SNX29: variants seen among roughly 807,000 people sequenced by gnomAD.
The protein encoded by SNX29 is sorting nexin 29.
A neutral mutation model predicts 102.1 loss-of-function variants in SNX29; 78 were observed. The observed-to-expected ratio is 0.76, with a 90% CI of 0.64 to 0.92. The LOEUF (loss-of-function observed/expected upper bound fraction) is 0.92. SNX29 is among the 40% of genes least tolerant of loss of function. SNX29 has a pLI of 0.00. For missense variants in SNX29, 1,280 were observed against 1,061.7 expected (o/e 1.21, Z -2.86); for synonymous variants, 580 against 414.5 (o/e 1.40, Z -4.85).
intron 20 of SNX29, among the ~76,000 whole-genome samples, chr16:12,528,795 C>G (rs558781667): frequency 1.3e-5 from 2 of 152,210 alleles, no homozygotes; most frequent in South Asian, 4.1e-4. Flanking sequence ...GCACACTGTG[C>G]CACTGTGTGT....
chr16:12,008,461 A>G (rs1228298472), intron 3 of SNX29, among the ~76,000 whole-genome samples: 1 of 146,938 alleles, frequency 6.8e-6, no homozygotes, highest in African/African-American at 2.5e-5. Flanking sequence ...TAGAGACAGT[A>G]TTTCTCCATG....
chr16:12,408,939 A>T (rs888678269), intron 18 of SNX29, among the ~76,000 whole-genome samples: 1 of 152,252 alleles, frequency 6.6e-6, no homozygotes, highest in Non-Finnish European at 1.5e-5. Flanking sequence ...GGCACAGAGG[A>T]TTCTAGCAAG....
At chr16:12,014,758 AAAAG>A (rs1596595752) in intron 3 of SNX29, among the ~76,000 whole-genome samples, 3 of 151,740 alleles carry the variant, frequency 2.0e-5, no homozygotes, top group Non-Finnish European at 2.9e-5. Context: ...AAAGAAAAGA[AAAAG>A]AAAATCATCA....
intron 15 of SNX29, among the ~76,000 whole-genome samples, chr16:12,295,439 C>G (rs937759631): frequency 2.0e-5 from 3 of 152,266 alleles, no homozygotes; most frequent in African/African-American, 7.2e-5. Flanking sequence ...GAGAAAACAA[C>G]TCTCACAACT....
rs1254788002 is a variant in SNX29 at position 12,350,098 on chromosome 16, G to A, written c.1783-6065G>A. On this transcript the variant is annotated intron_variant, in intron 15 of 20. Transcript: ENST00000566228. ...CCAGTTTGTGGGCCACCCTGTGCAT[G>A]TCACTGTCATAGAGTCACTTGCCGT... Among the ~76,000 whole-genome samples, 3 of 152,188 alleles carry A rather than the reference G, an allele frequency of 2.0e-5. No homozygotes were observed. In the East Asian group the frequency reaches 5.8e-4, roughly 29 times the overall value.
intron 11 of SNX29, among the ~76,000 whole-genome samples, chr16:12,093,047 G>C (rs1329504451): frequency 6.6e-6 from 1 of 152,176 alleles, no homozygotes; most frequent in African/African-American, 2.4e-5. Context: ...TTGCTGAGAT[G>C]CTGTCTTATG....
At chr16:12,296,205 A>C (rs2079975418) in intron 15 of SNX29, among the ~76,000 whole-genome samples, 1 of 152,242 alleles carries the variant, frequency 6.6e-6, no homozygotes, top group South Asian at 2.1e-4. Flanking sequence ...TAAATATCAT[A>C]ATGACTGCCT....
chr16:12,506,989 T>C (rs1165947972), intron 19 of SNX29, among the ~76,000 whole-genome samples: 2 of 152,252 alleles, frequency 1.3e-5, no homozygotes, highest in Non-Finnish European at 2.9e-5. Context: ...TGTATGCTTA[T>C]CTTGTGGTGG....
At chr16:12,550,767 G>A (rs888613498) in intron 20 of SNX29, among the ~76,000 whole-genome samples, 1 of 150,104 alleles carries the variant, frequency 6.7e-6, no homozygotes, top group East Asian at 2.0e-4. Flanking sequence ...TTGAAAAAGT[G>A]TAGAGGCTGA....
intron 19 of SNX29, among the ~76,000 whole-genome samples, chr16:12,513,116 TCTC>T (rs1336807914): frequency 3.3e-5 from 5 of 150,400 alleles, no homozygotes; most frequent in African/African-American, 4.9e-5. Context: ...AGTTCTCTCT[TCTC>T]CTCTCTGACC....
At chr16:12,287,869 T>C (rs1470058457) in intron 15 of SNX29, among the ~76,000 whole-genome samples, 1 of 152,218 alleles carries the variant, frequency 6.6e-6, no homozygotes. Context: ...ACCTGGGTTG[T>C]TGATCCTAGA....
chr16:12,097,067 G>A (rs1297246303), intron 11 of SNX29, among the ~76,000 whole-genome samples: 1 of 152,192 alleles, frequency 6.6e-6, no homozygotes, highest in Non-Finnish European at 1.5e-5. Context: ...CTCTGGTTCC[G>A]TCACTAAGCA....
chr16:12,220,940 C>T (rs1328048604), intron 14 of SNX29, among the ~76,000 whole-genome samples: 1 of 152,080 alleles, frequency 6.6e-6, no homozygotes, highest in Non-Finnish European at 1.5e-5. Flanking sequence ...GGGGTGGTAG[C>T]GCTGCACATT....
At chr16:12,381,000 C>CTCAT (rs2083099518) in intron 16 of SNX29, among the ~76,000 whole-genome samples, 1 of 118,472 alleles carries the variant, frequency 8.4e-6, no homozygotes, top group Non-Finnish European at 1.8e-5. Flanking sequence ...CACCCACCCA[C>CTCAT]CATCCATCCA....
intron 1 of SNX29, among the ~76,000 whole-genome samples, chr16:11,982,921 A>T (rs404827): frequency 0.75 from 114,216 of 151,596 alleles, 44,120 homozygotes; most frequent in Non-Finnish European, 0.84. Context: ...ATTAAAAAAA[A>T]TTTTTTTTAA....
intron 12 of SNX29, 84 bp from the exon 13 acceptor site, chr16:12,129,546 C>G: frequency 1.3e-6 from 2 of 1,487,672 alleles, no homozygotes; most frequent in Non-Finnish European, 9.0e-7. Context: ...TGGCTTAGGA[C>G]TTGACTTATG....
intron 20 of SNX29, among the ~76,000 whole-genome samples, chr16:12,537,911 G>C (rs9788839): frequency 6.6e-6 from 1 of 151,192 alleles, no homozygotes; most frequent in African/African-American, 2.4e-5. Context: ...CTGGAACCCA[G>C]GAGGCAGAGG....
In SNX29 at chr16:12,570,225, C is replaced by G; in HGVS notation, c.*1596C>G. On this transcript the variant is annotated 3_prime_UTR_variant, in exon 21 of 21. Coordinates refer to ENST00000566228, the MANE Select transcript of SNX29 (RefSeq NM_032167.5). ...CAAGGGGACCTGGGGCCAGATAAGC[C>G]CTGCCCCGGTGAGACCAAATGAGCT... is the stretch of plus-strand genomic sequence containing the variant. 1 of 1,065,328 alleles carries G rather than the reference C, an allele frequency of 9.4e-7. No individual in the cohort carries two copies. The allele number at this position is 1,065,328 out of a possible 1,614,324, so 66.0% of individuals were successfully genotyped here. A position where few individuals can be genotyped will look rare whatever the true frequency, so the allele number is the denominator to read the frequency against.
chr16:12,464,093 C>T (rs1222403164), intron 18 of SNX29, among the ~76,000 whole-genome samples: 2 of 152,012 alleles, frequency 1.3e-5, no homozygotes, highest in Non-Finnish European at 2.9e-5. Context: ...CTCACGTCCG[C>T]CTGTAAGTGA....
Sources: gnomAD v4.1 joint callset for allele counts (sites outside exome capture counted in the v4.1 genomes callset) on GRCh38, gnomAD v4.1.1 for gene constraint, MANE v1.5 for transcripts, NCBI Gene and HGNC (gene_info 2026-07-23, HGNC 2026-07-21) for gene names.